Variants in DYNC1H1 observed in about 807,000 individuals in gnomAD.
The protein encoded by DYNC1H1 is dynein cytoplasmic 1 heavy chain 1.
A neutral mutation model predicts 527.1 loss-of-function variants in DYNC1H1; 51 were observed. The ratio of observed to expected loss-of-function variants is 0.10; its 90% CI spans 0.08 to 0.12. The LOEUF (loss-of-function observed/expected upper bound fraction) is 0.12, where lower values mean the gene tolerates loss of function less well. DYNC1H1 is among the 10% of genes least tolerant of loss of function. The probability of loss-of-function intolerance (pLI) is 1.00; values close to 1 mark genes in which losing one functional copy is unlikely to be tolerated. For missense variants in DYNC1H1, 2,771 were observed against 5,971.8 expected, an observed-to-expected ratio of 0.46 and a Z score of 17.66; for synonymous variants, 2,189 against 2,278.8, an observed-to-expected ratio of 0.96 and a Z score of 1.12.
Position 101,979,835 on chromosome 14 carries a change from T to C in DYNC1H1, c.635T>C (p.Met212Thr). 1 of 1,614,212 alleles carries C rather than the reference T, an allele frequency of 6.2e-7. No homozygotes were observed. Among genetic ancestry groups the C allele is most frequent in the East Asian group, 2.2e-5 (1 of 44,890 alleles). The change falls in exon 4 of 78, where the codon ATG becomes ACG. Residue 212 changes from methionine (M) to threonine (T), a missense_variant. Transcript: ENST00000360184. This position sits in a 1 kb window ranked among gnomAD's most constrained non-coding sequence, Gnocchi z 4.6. ...GAGATCAGCCTGCCGATTCATCCAA[T>C]GATCACAAATGTTGCAAAACAGTGT... ...IPEISLPIHP[M>T]ITNVAKQCYE...
At chr14:102,006,391 C>T (rs2141289905) in intron 27 of DYNC1H1, among the ~76,000 whole-genome samples, 1 of 151,934 alleles carries the variant, frequency 6.6e-6, no homozygotes, top group Non-Finnish European at 1.5e-5. Flanking sequence ...CACGCCATCA[C>T]ACCAGGCTAA....
At chr14:101,998,879 C>CTTTTTTTTTTGTTT (rs1470140199) in intron 16 of DYNC1H1, among the ~76,000 whole-genome samples, 1 of 115,220 alleles carries the variant, frequency 8.7e-6, no homozygotes, top group African/African-American at 3.8e-5. Context: ...AAAACTTTTT[C>CTTTTTTTTTTGTTT]TTTTTTTTTT....
rs183784622 is a variant in DYNC1H1 at position 102,041,082 on chromosome 14, A to C, written c.11941+409A>C. ...AGTAAATCAGAAATTTCCAATTCCT[A>C]TTCATCTCATGCTTAAAGACCACAA... On this transcript the variant is annotated intron_variant, in intron 64 of 77. Coordinates refer to ENST00000360184, the MANE Select transcript of DYNC1H1 (RefSeq NM_001376.5). The surrounding 1 kb of genome is among the most constrained non-coding windows in gnomAD (Gnocchi z 4.5). 4 of 350,038 alleles carry C rather than the reference A, an allele frequency of 1.1e-5. No individual in the cohort carries two copies. In the Admixed American group the frequency reaches 1.7e-4, roughly 14 times the overall value. 21.7% of individuals were successfully genotyped at this position (350,038 alleles called of 1,614,324 possible).
rs2152597668 is a variant in DYNC1H1 at position 102,044,196 on chromosome 14, A to G, written c.12685-78A>G. 1 of 1,593,010 alleles carries G rather than the reference A, an allele frequency of 6.3e-7. No homozygotes were observed. The highest frequency in any genetic ancestry group is 8.5e-7 in the Non-Finnish European group (1 of 1,170,320). Reference sequence around the variant, plus strand: ...AGCTGGCCATGGGGAGTGAGGAGGAAAGCTGTGCCCCTCGAAAGGAAGCCC... The same window carrying G: ...AGCTGGCCATGGGGAGTGAGGAGGAGAGCTGTGCCCCTCGAAAGGAAGCCC... On this transcript the variant is annotated intron_variant, in intron 70 of 77. Transcript: ENST00000360184. The surrounding 1 kb of genome is among the most constrained non-coding windows in gnomAD (Gnocchi z 7.1).
Position 102,017,603 on chromosome 14 carries a change from A to T in DYNC1H1, c.8177+99A>T. ...AAACCTGGTTTTGATAATAAAGACA[A>T]CAATACTGCTTATTGTGGATTCCTC... On this transcript the variant is annotated intron_variant, in intron 40 of 77. Coordinates refer to ENST00000360184, the MANE Select transcript of DYNC1H1 (RefSeq NM_001376.5). The surrounding 1 kb of genome is among the most constrained non-coding windows in gnomAD (Gnocchi z 4.6). 2 of 1,586,388 alleles carry T rather than the reference A, an allele frequency of 1.3e-6. No homozygotes were observed. The highest frequency in any genetic ancestry group is 1.7e-6 in the Non-Finnish European group (2 of 1,156,694).
At chr14:101,978,196 C>A (rs981645558) in intron 2 of DYNC1H1, among the ~76,000 whole-genome samples, 8 of 152,248 alleles carry the variant, frequency 5.3e-5, no homozygotes, top group Non-Finnish European at 1.0e-4. Context: ...TGATTACAGG[C>A]ATGTGCCACC....
At position 102,056,203 on chromosome 14, in the gene DYNC1H1, C is replaced by G. The variant is rs1294269374; in HGVS notation, c.*5640C>G. 6.6e-6 allele frequency: 1 copy of G among 152,210 alleles called. No homozygotes were observed. Among genetic ancestry groups the G allele is most frequent in the Non-Finnish European group, 1.5e-5 (1 of 68,044 alleles). The allele number at this position is 152,210 out of a possible 1,614,324, so 9.4% of individuals were successfully genotyped here. The stretch of plus-strand genomic sequence containing the variant: ...AGAACCCGATGTTACCCATAGATTT[C>G]AGGCATTGTATGGAAGAACATCGTG... On this transcript the variant is annotated 3_prime_UTR_variant, in exon 78 of 78. Transcript: ENST00000360184.
chr14:102,047,191 T>C (rs2048730992), intron 72 of DYNC1H1, among the ~76,000 whole-genome samples: 1 of 152,164 alleles, frequency 6.6e-6, no homozygotes, highest in South Asian at 2.1e-4. Flanking sequence ...TCTTATTCTG[T>C]ATCTGTCTCC....
In DYNC1H1 at chr14:102,030,061, T is replaced by A. The variant is rs1482782890; in HGVS notation, c.9763-101T>A. ...GAGAGGGAGGGAGGGAGAGAGAGTG[T>A]GTGTGTGTGTGTGTGTTGGCAGAGT... On this transcript the variant is annotated intron_variant, in intron 50 of 77. Coordinates refer to ENST00000360184, the MANE Select transcript of DYNC1H1 (RefSeq NM_001376.5). 2.9e-5 allele frequency: 36 copies of A among 1,236,050 alleles called. No individual in the cohort carries two copies. Among genetic ancestry groups the A allele is most frequent in the East Asian group, 2.9e-4 (6 of 20,818 alleles). The allele number at this position is 1,236,050 out of a possible 1,614,324, so 76.6% of individuals were successfully genotyped here.
chr14:102,026,129 G>A lies in DYNC1H1; in HGVS notation c.8638-445G>A, dbSNP rs529746833. Among the ~76,000 whole-genome samples, 9 of 152,066 alleles carry A rather than the reference G, an allele frequency of 5.9e-5. No individual in the cohort carries two copies. The South Asian group carries it at 1.9e-3, about 32-fold the overall frequency. On this transcript the variant is annotated intron_variant, in intron 43 of 77. Transcript: ENST00000360184. ...GCTACAAAAAAAAAAAAAAAAATAG[G>A]GCAGGCCCTCACACCTGGTTCTTTT...
Position 102,007,034 on chromosome 14 carries a change from T to A in DYNC1H1, c.5743T>A (p.Ser1915Thr). ...ACCTGCTGGAACTGGGAAAACAGAG[T>A]CTGTCAAAGCTCTTGGCCATCAGCT... The part of the protein sequence containing the change: ...FGPAGTGKTE[S>T]VKALGHQLGR... Residue 1915 changes from serine (S) to threonine (T), a missense_variant, in exon 28 of 78, where the codon TCT becomes ACT. By Grantham distance (58) the Ser-to-Thr change is moderately conservative. Around this residue, in one of 32 missense-constraint regions of DYNC1H1, gnomAD observed 22 missense variants for 109.5 expected, o/e 0.20. Transcript: ENST00000360184. The A allele has an allele frequency of 6.2e-7, 1 of 1,614,210 alleles. No homozygotes were observed. The highest frequency in any genetic ancestry group is 1.6e-4 in the Middle Eastern group (1 of 6,062).
rs1595633027 is a variant in DYNC1H1, at chr14:102,043,961, G to T, written c.12600G>T (p.Gly4200=). 1.9e-6 allele frequency: 3 copies of T among 1,614,122 alleles called. No individual in the cohort carries two copies. Among genetic ancestry groups the T allele is most frequent in the Non-Finnish European group, 2.5e-6 (3 of 1,180,048 alleles). The change falls in exon 70 of 78, where the codon GGG becomes GGT. Residue 4200 remains glycine (G), a synonymous_variant. Coordinates refer to ENST00000360184, the MANE Select transcript of DYNC1H1 (RefSeq NM_001376.5). ...IQERLRYAPL[G]WSKKYEFGES... The stretch of plus-strand genomic sequence containing the variant: ...AACGCTTACGATACGCACCACTGGG[G>T]TGGTCAAAGAAGTATGAATTTGGAG...
At chr14:102,050,391 T>A (rs2048791326) in intron 77 of DYNC1H1, 44 bp from the exon 78 acceptor site, 1 of 1,614,178 alleles carries the variant, frequency 6.2e-7, no homozygotes, top group African/African-American at 1.3e-5. Flanking sequence ...TCCAGTTTTC[T>A]TACTTTTCCC....
chr14:102,034,626 A>C, intron 56 of DYNC1H1, 174 bp downstream of exon 56: 1 of 1,080,350 alleles, frequency 9.3e-7, no homozygotes, highest in Non-Finnish European at 1.4e-6. Flanking sequence ...CGTTATTGTC[A>C]AGTGTCTGAG....
Position 101,964,986 on chromosome 14 carries a change from C to T in DYNC1H1, c.256+39C>T. On this transcript the variant is annotated intron_variant, in intron 1 of 77. Transcript: ENST00000360184. This position sits in a 1 kb window ranked among gnomAD's most constrained non-coding sequence, Gnocchi z 5.5. ...GAGGGCAGGGTCGCCAGAGCCAGGC[C>T]TCGCGGAATGCAGGGCCTGCCAGGT... is the stretch of plus-strand genomic sequence containing the variant. 1 of 1,565,324 alleles carries T rather than the reference C, an allele frequency of 6.4e-7. No homozygotes were observed. Among genetic ancestry groups the T allele is most frequent in the Non-Finnish European group, 8.6e-7 (1 of 1,156,324 alleles).
intron 23 of DYNC1H1, among the ~76,000 whole-genome samples, chr14:102,003,520 C>G (rs932522659): frequency 2.0e-5 from 3 of 152,174 alleles, no homozygotes; most frequent in Admixed American, 6.5e-5. Flanking sequence ...CCTAAGTCAC[C>G]TAAGTGCTAG....
chr14:102,017,436 G>A lies in DYNC1H1; in HGVS notation c.8109G>A (p.Leu2703=). 1 of 1,614,218 alleles carries A rather than the reference G, an allele frequency of 6.2e-7. No homozygotes were observed. Among genetic ancestry groups the A allele is most frequent in the Non-Finnish European group, 8.5e-7 (1 of 1,180,040 alleles). The change falls in exon 40 of 78, where the codon CTG becomes CTA. Residue 2703 remains leucine, a synonymous_variant. Transcript: ENST00000360184. The surrounding 1 kb of genome is among the most constrained non-coding windows in gnomAD (Gnocchi z 4.6). ...YRTSDQTWVK[L]ERIQFVGACN... is the part of the protein sequence containing the mutation. ...CCTCAGATCAAACATGGGTGAAGCT[G>A]GAGAGAATCCAGTTTGTTGGGGCTT...
At position 102,041,913 on chromosome 14, in the gene DYNC1H1, A is replaced by G. The variant is rs2048655661; in HGVS notation, c.12103-100A>G. 15 of 1,512,458 alleles carry G rather than the reference A, an allele frequency of 9.9e-6. No individual in the cohort carries two copies. The highest frequency in any genetic ancestry group is 1.4e-5 in the Non-Finnish European group (15 of 1,100,186). The allele number at this position is 1,512,458 out of a possible 1,614,324, so 93.7% of individuals were successfully genotyped here. ...GGTGCCCACACCTCTGGGCCCAGAA[A>G]GAACATCTTCTCAGGCCCCTCACTC... On this transcript the variant is annotated intron_variant, in intron 65 of 77. Transcript: ENST00000360184. The surrounding 1 kb of genome is among the most constrained non-coding windows in gnomAD (Gnocchi z 4.5).
In DYNC1H1 at chr14:102,017,906, G is replaced by A. The variant is rs1355137810; in HGVS notation, c.8177+402G>A. Reference sequence around the variant, plus strand: ...CAGATCACGAGGTCAGGAGGTTGAGGCCATCCTGGCTAACACGGTGAAACC... The same window carrying A: ...CAGATCACGAGGTCAGGAGGTTGAGACCATCCTGGCTAACACGGTGAAACC... On this transcript the variant is annotated intron_variant, in intron 40 of 77. Coordinates refer to ENST00000360184, the MANE Select transcript of DYNC1H1 (RefSeq NM_001376.5). The surrounding 1 kb of genome is among the most constrained non-coding windows in gnomAD (Gnocchi z 4.6). The A allele has an allele frequency of 2.8e-5, 9 of 318,620 alleles. No individual in the cohort carries two copies. The highest frequency in any genetic ancestry group is 3.6e-5 in the Non-Finnish European group (6 of 164,996). The allele number at this position is 318,620 out of a possible 1,614,324, so 19.7% of individuals were successfully genotyped here. A position where few individuals can be genotyped will look rare whatever the true frequency, so the allele number is the denominator to read the frequency against.
Sources: gnomAD v4.1 joint callset for allele counts (sites outside exome capture counted in the v4.1 genomes callset) on GRCh38, gnomAD v4.1.1 for gene constraint, gnomAD v4.1.1 regional missense constraint, Gnocchi (gnomAD v3.1) non-coding constraint, MANE v1.5 for transcripts, NCBI Gene and HGNC (gene_info 2026-07-23, HGNC 2026-07-21) for gene names.